CHTF18: variants seen among roughly 807,000 people sequenced by gnomAD.
CHTF18 encodes the protein chromosome transmission fidelity protein 18 homolog.
CHTF18 carries 151 observed loss-of-function variants against 113.4 expected under a neutral mutation model. The observed-to-expected ratio is 1.33, with a 90% confidence interval of 1.17 to 1.52. The LOEUF is 1.52. Ranked by LOEUF, CHTF18 falls within the 40% of genes most tolerant of loss-of-function variation. The pLI, the probability that CHTF18 is intolerant of heterozygous loss-of-function variation, is 0.00. For missense variants in CHTF18, 1,982 were observed against 1,381.6 expected (o/e 1.43, Z -6.89); for synonymous variants, 916 against 598.8 (o/e 1.53, Z -7.74).
At chr16:791,762 G>A in intron 8 of CHTF18, 89 bp from the exon 9 acceptor site, 8 of 1,503,652 alleles carry the variant, frequency 5.3e-6, no homozygotes, top group Non-Finnish European at 7.1e-6. Flanking sequence ...CGCCCAGCCT[G>A]TGGGACACAT....
chr16:789,527 G>A lies in CHTF18; in HGVS notation c.438-20G>A, dbSNP rs771550027. 3 of 1,578,372 alleles carry A rather than the reference G, an allele frequency of 1.9e-6. No homozygotes were observed. Among genetic ancestry groups the A allele is most frequent in the African/African-American group, 1.3e-5 (1 of 74,196 alleles). ...ACCCCACGCTTGAGTTTCTGCCACT[G>A]AGCCCCGGTCTCTCTCCAGAGTCTC... On this transcript the variant is annotated intron_variant, in intron 3 of 21. Transcript: ENST00000262315.
At chr16:794,248 A>G (rs2042278512) in intron 15 of CHTF18, 47 bp downstream of exon 15, 1 of 1,588,438 alleles carries the variant, frequency 6.3e-7, no homozygotes, top group Non-Finnish European at 8.6e-7. Context: ...CCTGGCTAGG[A>G]CCTGGGCTGT....
Position 796,052 on chromosome 16 carries a change from G to T in CHTF18, c.2431G>T (p.Gly811Cys), listed in dbSNP as rs2042337089. Residue 811 changes from glycine to cysteine, a missense_variant, in exon 18 of 22, where the codon GGC (glycine) becomes TGC (cysteine). Coordinates refer to ENST00000262315, the MANE Select transcript of CHTF18 (RefSeq NM_022092.3). ...LTYRQERTPD[G>C]QYIYRLEPNV... is the part of the protein sequence containing the mutation. ...CTACCGCCAGGAGCGCACGCCCGAT[G>T]GCCAGTACATCTACAGGCTGGAGCC... is the stretch of plus-strand genomic sequence containing the variant. 6.2e-7 allele frequency: 1 copy of T among 1,605,018 alleles called. No homozygotes were observed. The highest frequency in any genetic ancestry group is 8.5e-7 in the Non-Finnish European group (1 of 1,176,610).
chr16:795,669 T>C lies in CHTF18; in HGVS notation c.2176-16T>C. 2 of 1,556,638 alleles carry C rather than the reference T, an allele frequency of 1.3e-6. No individual in the cohort carries two copies. The highest frequency in any genetic ancestry group is 4.6e-5 in the East Asian group (2 of 43,216). On this transcript the variant is annotated splice_polypyrimidine_tract_variant and intron_variant, in intron 16 of 21. Transcript: ENST00000262315. ...GAGGCCCAGGTGACCAGGCCTTGGC[T>C]CACCCCCTGCCCCAGGCCCAGAACC...
chr16:794,266 C>A, intron 15 of CHTF18, 65 bp downstream of exon 15: 1 of 1,559,418 alleles, frequency 6.4e-7, no homozygotes, highest in Non-Finnish European at 8.8e-7. Flanking sequence ...TGTGCCCCTG[C>A]CCCTGCCGGT....
chr16:793,366 C>G, intron 14 of CHTF18, 92 bp downstream of exon 14: 9 of 1,475,908 alleles, frequency 6.1e-6, no homozygotes, highest in Non-Finnish European at 8.2e-6. Flanking sequence ...ACCTTCGAGG[C>G]GGGGACTCAG....
Position 791,194 on chromosome 16 carries a change from T to C in CHTF18, c.928T>C (p.Leu310=), listed in dbSNP as rs374149034. ...CCGCTGCCTGCTCAAGTGGCTGAAG[T>C]TGTGGGACCTGGTGGTGTTTGGCCA... ...TNRCLLKWLK[L]WDLVVFGHER... is the part of the protein sequence containing the mutation. The change falls in exon 8 of 22, where the codon TTG becomes CTG. Residue 310 remains leucine, a synonymous_variant. Coordinates refer to ENST00000262315, the MANE Select transcript of CHTF18 (RefSeq NM_022092.3). The C allele has an allele frequency of 1.2e-6, 2 of 1,611,574 alleles. No individual in the cohort carries two copies. Among genetic ancestry groups the C allele is most frequent in the Admixed American group, 1.7e-5 (1 of 59,898 alleles).
chr16:795,308 T>G lies in CHTF18; in HGVS notation c.2127T>G (p.Phe709Leu). The G allele has an allele frequency of 6.5e-7, 1 of 1,548,428 alleles. No homozygotes were observed. The highest frequency in any genetic ancestry group is 1.4e-5 in the African/African-American group (1 of 72,940). Reference sequence around the variant, plus strand: ...TGCCCGTGGCCTTCCATGTGCTGTTTGCTTCCAGCCACACACCCAGGATCA... The same window carrying G: ...TGCCCGTGGCCTTCCATGTGCTGTTGGCTTCCAGCCACACACCCAGGATCA... ...PFLPVAFHVL[F>L]ASSHTPRITF... Residue 709 changes from phenylalanine to leucine, a missense_variant, in exon 16 of 22, where the codon TTT becomes TTG. By Grantham distance (22) the Phe-to-Leu change is conservative. Transcript: ENST00000262315.
At chr16:793,927 A>G in intron 14 of CHTF18, 127 bp from the exon 15 acceptor site, 1 of 1,061,992 alleles carries the variant, frequency 9.4e-7, no homozygotes. Context: ...GCGAGGCAGC[A>G]AGGGCCCTGC....
rs369834897 is a variant in CHTF18, at chr16:794,180, C to T, written c.1929C>T (p.Gly643=). The T allele has an allele frequency of 6.5e-5, 105 of 1,611,936 alleles. No homozygotes were observed. Among genetic ancestry groups the T allele is most frequent in the South Asian group, 2.0e-4 (18 of 91,056 alleles). Residue 643 remains glycine (G), a synonymous_variant, in exon 15 of 22, where the codon GGC becomes GGT. Coordinates refer to ENST00000262315, the MANE Select transcript of CHTF18 (RefSeq NM_022092.3). The part of the protein sequence containing the change: ...YRVLHAAASA[G]EHEKVVQGLF... ...TCCTGCATGCCGCTGCCTCTGCGGG[C>T]GAGCACGAGAAGGTGGTCCAGGTAC...
rs1234649534 is a variant in CHTF18, at chr16:793,023, A to G, written c.1630A>G (p.Lys544Glu). The G allele has an allele frequency of 2.6e-6, 4 of 1,564,690 alleles. No individual in the cohort carries two copies. In the South Asian group the frequency reaches 4.7e-5, roughly 18 times the overall value. Residue 544 changes from lysine (K) to glutamate (E), a missense_variant, in exon 13 of 22, where the codon AAA (lysine) becomes GAA (glutamate). Physicochemically the swap from Lys to Glu is moderately conservative, Grantham distance 56. Transcript: ENST00000262315. ...AGGGGTGCTGGCCGCCCTCTGTGAG[A>G]AAACTGACAATGACATCCGGGCCTG... is the stretch of plus-strand genomic sequence containing the variant. Reference protein sequence around the residue: ...DPGVLAALCEKTDNDIRACIN... With the variant: ...DPGVLAALCEETDNDIRACIN...
At position 788,667 on chromosome 16, in the gene CHTF18, C is replaced by T. The variant is rs768603450; in HGVS notation, c.-18C>T. Reference sequence around the variant, plus strand: ...CGGCGCGGGAGGTTCGGAGCGGGAGCTCGGGCTCGCGGACGGTATGGAGGA... The same window carrying T: ...CGGCGCGGGAGGTTCGGAGCGGGAGTTCGGGCTCGCGGACGGTATGGAGGA... On this transcript the variant is annotated 5_prime_UTR_variant, in exon 1 of 22. Transcript: ENST00000262315. 2 of 1,517,696 alleles carry T rather than the reference C, an allele frequency of 1.3e-6. No individual in the cohort carries two copies. The highest frequency in any genetic ancestry group is 2.2e-5 in the Admixed American group (1 of 46,436). 94.0% of individuals were successfully genotyped at this position (1,517,696 alleles called of 1,614,324 possible).
Position 795,941 on chromosome 16 carries a change from C to G in CHTF18, c.2326-6C>G, listed in dbSNP as rs753750723. The stretch of plus-strand genomic sequence containing the variant: ...AGCTCCCTGTCTGCTGCCTCCCATC[C>G]CCTAGGTGAGCACACAGCTGTACAG... On this transcript the variant is annotated splice_polypyrimidine_tract_variant and splice_region_variant and intron_variant, in intron 17 of 21. Coordinates refer to ENST00000262315, the MANE Select transcript of CHTF18 (RefSeq NM_022092.3). 1 of 1,609,766 alleles carries G rather than the reference C, an allele frequency of 6.2e-7. No individual in the cohort carries two copies. Among genetic ancestry groups the G allele is most frequent in the African/African-American group, 1.3e-5 (1 of 74,806 alleles).
Position 795,353 on chromosome 16 carries a change from G to A in CHTF18, c.2172G>A (p.Gln724=), listed in dbSNP as rs1395318800. 3 of 1,547,244 alleles carry A rather than the reference G, an allele frequency of 1.9e-6. No individual in the cohort carries two copies. The highest frequency in any genetic ancestry group is 4.9e-5 in the East Asian group (2 of 40,896). The change falls in exon 16 of 22, where the codon CAG becomes CAA. Residue 724 remains glutamine, a synonymous_variant. Transcript: ENST00000262315. ...GGATCACCTTCCCCAGCAGCCAGCA[G>A]GAGGTGTGCTCGTCCCTGCACCACG... ...TPRITFPSSQ[Q]EAQNRMSQMR...
At position 792,912 on chromosome 16, in the gene CHTF18, C is replaced by T. The variant is rs778183862; in HGVS notation, c.1573-54C>T. 57 of 1,537,546 alleles carry T rather than the reference C, an allele frequency of 3.7e-5. No individual in the cohort carries two copies. In the East Asian group the frequency reaches 7.4e-4, roughly 20 times the overall value. ...GCCCCTCCCCATGGAACCCTGGTAA[C>T]CCCTGAAAGGATGGGGCATACCATC... On this transcript the variant is annotated intron_variant, in intron 12 of 21. Transcript: ENST00000262315.
intron 1 of CHTF18, 29 bp from the exon 2 acceptor site, chr16:788,902 C>T: frequency 2.7e-6 from 4 of 1,506,192 alleles, no homozygotes; most frequent in African/African-American, 1.4e-5. Context: ...TGTCTCGGGG[C>T]GGCCGCTGAC....
At chr16:796,200 C>T in intron 18 of CHTF18, 123 bp downstream of exon 18, 2 of 1,305,296 alleles carry the variant, frequency 1.5e-6, no homozygotes, top group Non-Finnish European at 1.0e-6. Context: ...GTGGCGGGCC[C>T]CAGCTTATCT....
At chr16:790,933 G>C (rs2042179906) in intron 7 of CHTF18, 1 of 1,433,334 alleles carries the variant, frequency 7.0e-7, no homozygotes, top group Non-Finnish European at 9.1e-7. Flanking sequence ...GCTGACACTG[G>C]AGTGCCCCTG....
intron 14 of CHTF18, chr16:793,811 AC>A: frequency 1.5e-6 from 1 of 649,790 alleles, no homozygotes; most frequent in Non-Finnish European, 2.8e-6. Flanking sequence ...GGGTCCCCTA[AC>A]CCCAGAGGGT....
Sources: gnomAD v4.1 joint callset for allele counts on GRCh38, gnomAD v4.1.1 for gene constraint, MANE v1.5 for transcripts, NCBI Gene and HGNC (gene_info 2026-07-23, HGNC 2026-07-21) for gene names.